The following IFNGR2 variants were observed in gnomAD, a reference collection of about 807,000 sequenced individuals.
IFNGR2 encodes interferon gamma receptor 2.
IFNGR2 carries 15 observed loss-of-function variants against 41.1 expected under a neutral mutation model. That is an observed-to-expected ratio of 0.37 (90% CI 0.24 to 0.56). The LOEUF (loss-of-function observed/expected upper bound fraction) is 0.56. Among genes scored for constraint, IFNGR2 ranks in the 20% least tolerant of loss-of-function variants. IFNGR2 has a pLI of 0.81. For synonymous variants in IFNGR2, 161 were observed against 171.6 expected (o/e 0.94, Z 0.48); for missense variants, 362 against 415.7 (o/e 0.87, Z 1.12).
At position 33,410,807 on chromosome 21, in the gene IFNGR2, A is replaced by G. The variant is rs984086722; in HGVS notation, c.74-4081A>G. On this transcript the variant is annotated intron_variant, in intron 1 of 6. Transcript: ENST00000290219. ...TTTACATGTTGTATTTTTAAAATTCATAACTCATAATCTAAAATTTATGCT... is the reference window on the plus strand; with the variant it reads ...TTTACATGTTGTATTTTTAAAATTCGTAACTCATAATCTAAAATTTATGCT... 1.0e-5 allele frequency: 15 copies of G among 1,456,844 alleles called. No individual in the cohort carries two copies. In the African/African-American group the frequency reaches 2.0e-4, roughly 19 times the overall value. 90.2% of individuals were successfully genotyped at this position (1,456,844 alleles called of 1,614,324 possible).
At chr21:33,416,071 G>A (rs934461267) in intron 2 of IFNGR2, among the ~76,000 whole-genome samples, 5 of 152,126 alleles carry the variant, frequency 3.3e-5, no homozygotes, top group African/African-American at 1.2e-4. Flanking sequence ...GGCCAGGCTG[G>A]TCTCAAATTC....
chr21:33,432,442 C>T (rs2083898298), intron 5 of IFNGR2, 106 bp downstream of exon 5: 5 of 1,134,544 alleles, frequency 4.4e-6, no homozygotes, highest in African/African-American at 1.5e-5. Flanking sequence ...AGTGGGGAGA[C>T]CCAGTGAGAA....
At chr21:33,403,681 A>T (rs2083657485) in intron 1 of IFNGR2, 65 bp downstream of exon 1, 1 of 1,040,666 alleles carries the variant, frequency 9.6e-7, no homozygotes, top group Non-Finnish European at 1.2e-6. Context: ...GGGCTGGGGG[A>T]CTCCCGGATC....
chr21:33,431,071 G>A (rs943565012), intron 4 of IFNGR2, among the ~76,000 whole-genome samples: 4 of 152,168 alleles, frequency 2.6e-5, no homozygotes, highest in Admixed American at 6.6e-5. Context: ...AGAGGGATGC[G>A]CAGAGGAGAC....
chr21:33,411,505 G>A (rs763136631), intron 1 of IFNGR2: 16 of 470,904 alleles, frequency 3.4e-5, no homozygotes, highest in East Asian at 6.9e-5. Flanking sequence ...AGATGTCCAC[G>A]CCCTCATCCT....
At chr21:33,416,925 CTTT>C (rs554788768) in intron 2 of IFNGR2, among the ~76,000 whole-genome samples, 4 of 128,248 alleles carry the variant, frequency 3.1e-5, no homozygotes, top group Non-Finnish European at 5.0e-5. Context: ...TTTTCTTTTT[CTTT>C]TTTTTTTTTT....
chr21:33,419,251 G>A lies in IFNGR2; in HGVS notation c.207-2229G>A, dbSNP rs147466452. On this transcript the variant is annotated intron_variant, in intron 2 of 6. Coordinates refer to ENST00000290219, the MANE Select transcript of IFNGR2 (RefSeq NM_005534.4). ...CTTCCAAGTAGCTGGGATTACAGGCGCCCGCCACCATGCCTGGCTAATTTT... is the reference window on the plus strand; with the variant it reads ...CTTCCAAGTAGCTGGGATTACAGGCACCCGCCACCATGCCTGGCTAATTTT... Among the ~76,000 whole-genome samples, 270 of 152,098 alleles carry A rather than the reference G, an allele frequency of 1.8e-3. 1 individual carries two copies. The highest frequency in any genetic ancestry group is 4.5e-3 in the African/African-American group (185 of 41,476).
rs2083896972 is a variant in IFNGR2 at position 33,432,328 on chromosome 21, T to C, written c.713T>C (p.Met238Thr). 6.2e-7 allele frequency: 1 copy of C among 1,613,682 alleles called. No homozygotes were observed. Among genetic ancestry groups the C allele is most frequent in the South Asian group, 1.1e-5 (1 of 91,076 alleles). The change falls in exon 5 of 7, where the codon ATG becomes ACG. Residue 238 changes from methionine to threonine, a missense_variant. Transcript: ENST00000290219. ...HLSNISCYET[M>T]ADASTELQQV... ...AGCAACATATCTTGCTACGAAACAA[T>C]GGCAGATGGTAAAATATACCTTCTT...
intron 1 of IFNGR2, among the ~76,000 whole-genome samples, chr21:33,408,606 G>C (rs1316684183): frequency 6.6e-6 from 1 of 152,122 alleles, no homozygotes; most frequent in Non-Finnish European, 1.5e-5. Flanking sequence ...CCTCTTCACT[G>C]GTTGTTAAAT....
At position 33,437,012 on chromosome 21, in the gene IFNGR2, C is replaced by T. The variant is rs370497329; in HGVS notation, c.*50C>T. ...GGCTCCCTGGAAGAGATCAAGCCAT[C>T]GGAGCTGCTAGAGTTCTGTCTGGAC... On this transcript the variant is annotated 3_prime_UTR_variant, in exon 7 of 7. Coordinates refer to ENST00000290219, the MANE Select transcript of IFNGR2 (RefSeq NM_005534.4). 77 of 1,602,562 alleles carry T rather than the reference C, an allele frequency of 4.8e-5. 1 individual carries two copies. In the Middle Eastern group the frequency reaches 5.1e-4, roughly 11 times the overall value.
intron 1 of IFNGR2, among the ~76,000 whole-genome samples, chr21:33,406,101 G>A (rs535365307): frequency 1.4e-4 from 22 of 152,150 alleles, no homozygotes; most frequent in African/African-American, 4.6e-4. Flanking sequence ...AGCTGGGCAC[G>A]GTGGCTCATG....
intron 1 of IFNGR2, among the ~76,000 whole-genome samples, chr21:33,408,880 TAAAGA>T (rs1427428730): frequency 6.6e-6 from 1 of 151,904 alleles, no homozygotes; most frequent in Admixed American, 6.6e-5. Flanking sequence ...AGTTTCAGAT[TAAAGA>T]AAAGAAGAAA....
chr21:33,416,937 T>C (rs2083758335), intron 2 of IFNGR2, among the ~76,000 whole-genome samples: 1 of 150,096 alleles, frequency 6.7e-6, no homozygotes, highest in Admixed American at 6.6e-5. Context: ...TTTTTTTTTT[T>C]TTTTTGAGAC....
At chr21:33,423,108 T>C (rs1170491735) in intron 3 of IFNGR2, among the ~76,000 whole-genome samples, 5 of 144,178 alleles carry the variant, frequency 3.5e-5, no homozygotes, top group Non-Finnish European at 7.6e-5. Flanking sequence ...GGCGCAATCT[T>C]GGCTCACTGC....
intron 4 of IFNGR2, among the ~76,000 whole-genome samples, chr21:33,427,521 C>T (rs945449977): frequency 6.6e-5 from 10 of 152,144 alleles, no homozygotes; most frequent in South Asian, 2.1e-4. Flanking sequence ...GCGTGGCATA[C>T]GTGGAGAACT....
At position 33,403,504 on chromosome 21, in the gene IFNGR2, C is replaced by G; in HGVS notation, c.-40C>G. 1 of 1,163,132 alleles carries G rather than the reference C, an allele frequency of 8.6e-7. No individual in the cohort carries two copies. Among genetic ancestry groups the G allele is most frequent in the Non-Finnish European group, 1.1e-6 (1 of 942,656 alleles). The allele number at this position is 1,163,132 out of a possible 1,614,324, so 72.1% of individuals were successfully genotyped here. A position where few individuals can be genotyped will look rare whatever the true frequency, so the allele number is the denominator to read the frequency against. The stretch of plus-strand genomic sequence containing the variant: ...GCGGCTCCGCGGACCCCGAGCGGGG[C>G]CCCGGCCGCGACCTGAGCCGCCGCC... On this transcript the variant is annotated 5_prime_UTR_variant, in exon 1 of 7. Coordinates refer to ENST00000290219, the MANE Select transcript of IFNGR2 (RefSeq NM_005534.4).
At chr21:33,417,135 A>C (rs1429415705) in intron 2 of IFNGR2, among the ~76,000 whole-genome samples, 1 of 150,788 alleles carries the variant, frequency 6.6e-6, no homozygotes, top group Non-Finnish European at 1.5e-5. Flanking sequence ...TCTGCCCCCC[A>C]GGCTGGAGTG....
At chr21:33,403,747 T>C in intron 1 of IFNGR2, 131 bp downstream of exon 1, 1 of 510,636 alleles carries the variant, frequency 2.0e-6, no homozygotes, top group Non-Finnish European at 2.9e-6. Context: ...TGCGGGGTGC[T>C]CCTGGTGGGT....
At chr21:33,410,852 G>A in intron 1 of IFNGR2, 1 of 1,547,108 alleles carries the variant, frequency 6.5e-7, no homozygotes, top group Non-Finnish European at 8.7e-7. Context: ...TAACTTTGGA[G>A]ACCTACCAAG....
Sources: gnomAD v4.1 joint callset for allele counts (sites outside exome capture counted in the v4.1 genomes callset) on GRCh38, gnomAD v4.1.1 for gene constraint, MANE v1.5 for transcripts, NCBI Gene and HGNC (gene_info 2026-07-23, HGNC 2026-07-21) for gene names.